The following CDK14 variants were observed in gnomAD, a reference collection of about 807,000 sequenced individuals.
CDK14 encodes the protein cyclin-dependent kinase 14.
Under a neutral mutation model 60.7 loss-of-function variants are expected in CDK14, and 34 were observed. That is an observed-to-expected ratio of 0.56 (90% CI 0.43 to 0.75). The LOEUF (loss-of-function observed/expected upper bound fraction) is 0.75, where lower values mean the gene tolerates loss of function less well. Among genes scored for constraint, CDK14 ranks in the 30% least tolerant of loss-of-function variants. The pLI is 0.00. For synonymous variants in CDK14, 197 were observed against 203.7 expected (o/e 0.97, Z 0.28); for missense variants, 482 against 564.1 (o/e 0.85, Z 1.47).
intron 7 of CDK14, among the ~76,000 whole-genome samples, chr7:90,904,109 G>A (rs566258585): frequency 6.6e-6 from 1 of 152,246 alleles, no homozygotes; most frequent in African/African-American, 2.4e-5. Context: ...CCCAGAATAA[G>A]GTGGGGGTTG....
At chr7:90,673,177 G>A (rs1801131514) in intron 2 of CDK14, among the ~76,000 whole-genome samples, 1 of 152,144 alleles carries the variant, frequency 6.6e-6, no homozygotes, top group Admixed American at 6.5e-5. Flanking sequence ...CCATGCCTAA[G>A]GGATAGGACT....
chr7:90,748,748 A>G (rs1422094707), intron 4 of CDK14, among the ~76,000 whole-genome samples: 1 of 151,766 alleles, frequency 6.6e-6, no homozygotes, highest in African/African-American at 2.4e-5. Flanking sequence ...ATGTCTGGCT[A>G]TTTTTTTTAA....
intron 2 of CDK14, among the ~76,000 whole-genome samples, chr7:90,702,290 A>G (rs893000788): frequency 6.6e-6 from 1 of 152,152 alleles, no homozygotes; most frequent in Admixed American, 6.5e-5. Context: ...TGTTGTCACT[A>G]TGTTACCGAA....
intron 2 of CDK14, among the ~76,000 whole-genome samples, chr7:90,686,489 G>A (rs140077930): frequency 2.8e-3 from 419 of 152,198 alleles, no homozygotes; most frequent in Non-Finnish European, 4.6e-3. Flanking sequence ...ATACAATATA[G>A]TTTTGTTTAT....
chr7:91,103,288 C>G (rs1347535919), intron 12 of CDK14, among the ~76,000 whole-genome samples: 2 of 152,084 alleles, frequency 1.3e-5, no homozygotes, highest in Non-Finnish European at 2.9e-5. Flanking sequence ...GGAAGTAGCC[C>G]TCTTCGTCTT....
chr7:90,869,607 G>A (rs944146122), intron 6 of CDK14, among the ~76,000 whole-genome samples: 2 of 152,160 alleles, frequency 1.3e-5, no homozygotes, highest in Admixed American at 6.5e-5. Flanking sequence ...ATGGACCAAG[G>A]GTGGGGAAGT....
chr7:91,148,946 G>A (rs1460587432), intron 14 of CDK14, among the ~76,000 whole-genome samples: 2 of 152,086 alleles, frequency 1.3e-5, no homozygotes, highest in African/African-American at 4.8e-5. Flanking sequence ...CTGTAATCAG[G>A]GAGACTGTGC....
chr7:90,927,416 C>T (rs1044239154), intron 8 of CDK14, among the ~76,000 whole-genome samples: 1 of 152,118 alleles, frequency 6.6e-6, no homozygotes, highest in Non-Finnish European at 1.5e-5. Context: ...GCTCTTATCA[C>T]CCCTGTTACT....
At chr7:91,012,007 C>T (rs531870552) in intron 10 of CDK14, among the ~76,000 whole-genome samples, 3 of 152,114 alleles carry the variant, frequency 2.0e-5, no homozygotes, top group South Asian at 4.2e-4. Flanking sequence ...TGCCATATAT[C>T]GTGAATTTTT....
intron 5 of CDK14, among the ~76,000 whole-genome samples, chr7:90,832,452 G>C (rs1485663054): frequency 6.6e-6 from 1 of 152,102 alleles, no homozygotes; most frequent in Non-Finnish European, 1.5e-5. Flanking sequence ...TCCTAAAGTA[G>C]CTTGTCATTT....
rs141836087 is a variant in CDK14 at position 91,060,939 on chromosome 7, T to G, written c.1105+14979T>G. On this transcript the variant is annotated intron_variant, in intron 11 of 14. Transcript: ENST00000380050. ...TTCTCTGTATTTCCTGAGTCTGAAT[T>G]TTGGCCTGCCTTGCTAGATTGGGGA... Among the ~76,000 whole-genome samples, 1,235 of 152,290 alleles carry G rather than the reference T, an allele frequency of 8.1e-3. 19 individuals carry two copies. Among genetic ancestry groups the G allele is most frequent in the African/African-American group, 0.027 (1,136 of 41,564 alleles).
At chr7:90,892,148 A>G (rs1331713098) in intron 6 of CDK14, among the ~76,000 whole-genome samples, 1 of 152,174 alleles carries the variant, frequency 6.6e-6, no homozygotes. Flanking sequence ...ATGGAGGGAT[A>G]TTGCTTCTTT....
chr7:91,157,970 C>G (rs1265435190), intron 14 of CDK14, among the ~76,000 whole-genome samples: 1 of 151,600 alleles, frequency 6.6e-6, no homozygotes, highest in Non-Finnish European at 1.5e-5. Context: ...ATCTGGGATG[C>G]CACTGTATTT....
At chr7:91,108,082 C>A (rs775465247) in intron 12 of CDK14, among the ~76,000 whole-genome samples, 1 of 152,132 alleles carries the variant, frequency 6.6e-6, no homozygotes, top group Non-Finnish European at 1.5e-5. Flanking sequence ...CTGAAGCGGG[C>A]GGATCACTTG....
chr7:91,129,646 A>G (rs1800059961), intron 14 of CDK14, among the ~76,000 whole-genome samples: 1 of 152,162 alleles, frequency 6.6e-6, no homozygotes, highest in Admixed American at 6.6e-5. Context: ...ACATCTTCTC[A>G]GAAAGGAACC....
chr7:90,613,102 A>G (rs939291784), intron 2 of CDK14, among the ~76,000 whole-genome samples: 3 of 152,170 alleles, frequency 2.0e-5, no homozygotes, highest in Non-Finnish European at 4.4e-5. Flanking sequence ...GGTAGACATA[A>G]TTATCATAAT....
intron 5 of CDK14, among the ~76,000 whole-genome samples, chr7:90,859,764 C>G (rs1790944137): frequency 1.3e-5 from 2 of 152,068 alleles, no homozygotes; most frequent in African/African-American, 4.8e-5. Context: ...CATGAAAGTT[C>G]ACTCTTGGTG....
intron 2 of CDK14, among the ~76,000 whole-genome samples, chr7:90,706,754 A>T (rs1372296279): frequency 6.6e-6 from 1 of 152,176 alleles, no homozygotes; most frequent in East Asian, 1.9e-4. Flanking sequence ...GAGGAAAAGA[A>T]AAATTGTCCA....
intron 14 of CDK14, among the ~76,000 whole-genome samples, chr7:91,119,516 A>G (rs1223890733): frequency 1.3e-5 from 2 of 152,198 alleles, no homozygotes; most frequent in African/African-American, 4.8e-5. Context: ...AAAGTGTTCA[A>G]GTAACTCAAA....
Sources: allele counts gnomAD v4.1 joint callset (sites outside exome capture counted in the v4.1 genomes callset), GRCh38; gene constraint gnomAD v4.1.1; transcripts MANE v1.5; gene names NCBI Gene and HGNC (gene_info 2026-07-23, HGNC 2026-07-21).